MED26: variants seen among roughly 807,000 people sequenced by gnomAD.
MED26 encodes mediator of RNA polymerase II transcription subunit 26.
A neutral mutation model predicts 43.7 loss-of-function variants in MED26; 7 were observed. That is an observed-to-expected ratio of 0.16 (90% CI 0.09 to 0.30). The LOEUF is 0.30. MED26 is among the 10% of genes least tolerant of loss of function. MED26 has a pLI of 1.00. For synonymous variants in MED26, 375 were observed against 371.1 expected (o/e 1.01, Z -0.12); for missense variants, 784 against 840.6 (o/e 0.93, Z 0.83).
Position 16,602,795 on chromosome 19 carries a change from G to A in MED26, c.73-24386C>T, listed in dbSNP as rs2086155799. ...ATACTCAGTAGACAAAATCAGAGAG[G>A]TGGAAAGTCGAACAGTACGTGCGCC... On this transcript the variant is annotated intron_variant, in intron 1 of 2. Coordinates refer to ENST00000263390, the MANE Select transcript of MED26 (RefSeq NM_004831.5). Among the ~76,000 whole-genome samples, 3 of 152,198 alleles carry A rather than the reference G, an allele frequency of 2.0e-5. No homozygotes were observed. In the South Asian group the frequency reaches 6.2e-4, roughly 31 times the overall value.
At chr19:16,581,417 G>GT (rs1555698779) in intron 1 of MED26, among the ~76,000 whole-genome samples, 1 of 152,164 alleles carries the variant, frequency 6.6e-6, no homozygotes, top group Non-Finnish European at 1.5e-5. Flanking sequence ...AGGCACTCCA[G>GT]CACCGACTCA....
At chr19:16,590,944 G>T (rs1258366924) in intron 1 of MED26, among the ~76,000 whole-genome samples, 1 of 151,936 alleles carries the variant, frequency 6.6e-6, no homozygotes, top group African/African-American at 2.4e-5. Context: ...GGAGGCTGAC[G>T]CATGAGAATC....
Position 16,601,154 on chromosome 19 carries a change from A to G in MED26, c.73-22745T>C, listed in dbSNP as rs117928984. On this transcript the variant is annotated intron_variant, in intron 1 of 2. Transcript: ENST00000263390. Reference sequence around the variant, plus strand: ...GGGCCCAGGCAGCCTGGTTACAAACACTGACTTTTTTTTTTTTTTTGAGAC... The same window carrying G: ...GGGCCCAGGCAGCCTGGTTACAAACGCTGACTTTTTTTTTTTTTTTGAGAC... Among the ~76,000 whole-genome samples, 901 of 142,694 alleles carry G rather than the reference A, an allele frequency of 6.3e-3. 4 individuals are homozygous for G. The highest frequency in any genetic ancestry group is 0.014 in the Middle Eastern group (4 of 276). 93.6% of individuals were successfully genotyped at this position (142,694 alleles called of 152,430 possible).
At chr19:16,601,235 A>G (rs2086147801) in intron 1 of MED26, among the ~76,000 whole-genome samples, 1 of 151,078 alleles carries the variant, frequency 6.6e-6, no homozygotes, top group African/African-American at 2.4e-5. Flanking sequence ...GGCTCACCAC[A>G]ACCTCTGCTT....
At chr19:16,609,274 C>T (rs1268730196) in intron 1 of MED26, among the ~76,000 whole-genome samples, 5 of 130,612 alleles carry the variant, frequency 3.8e-5, no homozygotes, top group Non-Finnish European at 6.2e-5. Context: ...ATTGCACCAC[C>T]GGACTCCAGT....
chr19:16,615,078 G>A (rs1306885727), intron 1 of MED26, among the ~76,000 whole-genome samples: 1 of 152,010 alleles, frequency 6.6e-6, no homozygotes, highest in African/African-American at 2.4e-5. Flanking sequence ...TTGCTTCAAG[G>A]GGAATGGGGG....
intron 1 of MED26, among the ~76,000 whole-genome samples, chr19:16,621,577 T>C (rs1475796596): frequency 6.6e-6 from 1 of 152,056 alleles, no homozygotes; most frequent in Non-Finnish European, 1.5e-5. Context: ...GGGATGTGAG[T>C]TCCCAGAGGG....
chr19:16,578,252 C>T, intron 2 of MED26, 83 bp downstream of exon 2: 1 of 1,286,294 alleles, frequency 7.8e-7, no homozygotes, highest in Non-Finnish European at 1.1e-6. Flanking sequence ...ACTGATGCTC[C>T]CAGAAGCTGC....
At chr19:16,590,486 C>A (rs1290594906) in intron 1 of MED26, among the ~76,000 whole-genome samples, 1 of 152,174 alleles carries the variant, frequency 6.6e-6, no homozygotes, top group Non-Finnish European at 1.5e-5. Flanking sequence ...GAGGTTTTAT[C>A]AGGAATAGAT....
At chr19:16,601,360 G>T (rs1249280620) in intron 1 of MED26, among the ~76,000 whole-genome samples, 1 of 152,068 alleles carries the variant, frequency 6.6e-6, no homozygotes, top group Non-Finnish European at 1.5e-5. Flanking sequence ...TCTCCATGTT[G>T]GTCAGGCTGG....
chr19:16,625,834 G>T (rs975803612), intron 1 of MED26, among the ~76,000 whole-genome samples: 4 of 152,136 alleles, frequency 2.6e-5, no homozygotes, highest in South Asian at 2.1e-4. Flanking sequence ...GCGCTCAGAG[G>T]GTCAATCACA....
chr19:16,622,191 G>A (rs948459784), intron 1 of MED26, among the ~76,000 whole-genome samples: 4 of 152,174 alleles, frequency 2.6e-5, no homozygotes, highest in Non-Finnish European at 5.9e-5. Context: ...AATAAGGCAC[G>A]GGGAGAACTG....
intron 1 of MED26, among the ~76,000 whole-genome samples, chr19:16,614,554 T>TGG (rs1555701131): frequency 1.3e-5 from 1 of 79,388 alleles, no homozygotes; most frequent in African/African-American, 4.8e-5. Flanking sequence ...AATAAAAAGG[T>TGG]GGGGGGTGGG....
chr19:16,614,712 C>A (rs369839354), intron 1 of MED26, among the ~76,000 whole-genome samples: 30 of 152,080 alleles, frequency 2.0e-4, no homozygotes, highest in African/African-American at 6.8e-4. Context: ...ACAGGCTCAG[C>A]GCCTGGGTGC....
At chr19:16,589,909 G>A (rs1008302625) in intron 1 of MED26, among the ~76,000 whole-genome samples, 3 of 152,160 alleles carry the variant, frequency 2.0e-5, no homozygotes, top group Non-Finnish European at 4.4e-5. Flanking sequence ...CGTTCCCCAC[G>A]GCCCAGACCC....
chr19:16,612,356 C>T (rs181047876), intron 1 of MED26, among the ~76,000 whole-genome samples: 292 of 152,150 alleles, frequency 1.9e-3, no homozygotes, highest in Non-Finnish European at 3.2e-3. Flanking sequence ...GTGATCTTGG[C>T]TCACCCTAGC....
chr19:16,620,403 G>A (rs2086246385), intron 1 of MED26, among the ~76,000 whole-genome samples: 1 of 152,240 alleles, frequency 6.6e-6, no homozygotes. Flanking sequence ...GATTAAATGT[G>A]TTTTGAATGC....
chr19:16,608,802 A>C (rs1446092116), intron 1 of MED26, among the ~76,000 whole-genome samples: 1 of 152,176 alleles, frequency 6.6e-6, no homozygotes, highest in Non-Finnish European at 1.5e-5. Context: ...AGATGAAAAT[A>C]TTTACTATCT....
At chr19:16,620,103 T>G (rs1218653867) in intron 1 of MED26, among the ~76,000 whole-genome samples, 1 of 152,196 alleles carries the variant, frequency 6.6e-6, no homozygotes, top group Non-Finnish European at 1.5e-5. Flanking sequence ...ACACCCCTTC[T>G]TCAGCCAGTT....
Sources: allele counts gnomAD v4.1 joint callset (sites outside exome capture counted in the v4.1 genomes callset), GRCh38; gene constraint gnomAD v4.1.1; transcripts MANE v1.5; gene names NCBI Gene and HGNC (gene_info 2026-07-23, HGNC 2026-07-21).